Variants in RNLS observed in about 807,000 individuals in gnomAD.
RNLS encodes the protein renalase, FAD dependent amine oxidase.
A neutral mutation model predicts 39.8 loss-of-function variants in RNLS; 39 were observed. The observed-to-expected ratio is 0.98, with a 90% CI of 0.76 to 1.28. The LOEUF is 1.28. Among genes scored for constraint, RNLS ranks in the 50% most tolerant of loss-of-function variants. The pLI, the probability that RNLS is intolerant of heterozygous loss-of-function variation, is 0.00. For missense variants in RNLS, 410 were observed against 413.3 expected, an observed-to-expected ratio of 0.99 and a Z score of 0.07; for synonymous variants, 147 against 150.7, an observed-to-expected ratio of 0.98 and a Z score of 0.18.
the RNLS span, among the ~76,000 whole-genome samples, chr10:88,173,894 T>G: frequency 1.3e-5 from 2 of 152,170 alleles, no homozygotes; most frequent in African/African-American, 4.8e-5. Context: ...GGTACACCCA[T>G]CACTTAAGCA....
the RNLS span, among the ~76,000 whole-genome samples, chr10:88,260,924 GCAAAAGA>G: frequency 1.3e-5 from 2 of 152,166 alleles, no homozygotes; most frequent in African/African-American, 4.8e-5. Flanking sequence ...ATTGCTTTCA[GCAAAAGA>G]CAAATACTAT....
intron 4 of RNLS, among the ~76,000 whole-genome samples, chr10:88,470,353 G>A (rs1005532838): frequency 3.3e-5 from 5 of 152,072 alleles, no homozygotes; most frequent in African/African-American, 1.2e-4. Flanking sequence ...TAAAGACATG[G>A]AATCAACCTA....
intron 4 of RNLS, among the ~76,000 whole-genome samples, chr10:88,373,857 T>C (rs1159965430): frequency 6.6e-6 from 1 of 152,008 alleles, no homozygotes; most frequent in Non-Finnish European, 1.5e-5. Context: ...AATTTGATGA[T>C]GGAGGTTATT....
chr10:88,476,988 A>G (rs1279138253), intron 4 of RNLS, among the ~76,000 whole-genome samples: 4 of 150,732 alleles, frequency 2.7e-5, no homozygotes, highest in African/African-American at 9.7e-5. Flanking sequence ...TTGCCACAAA[A>G]AGTAAGAAAG....
At chr10:88,515,919 A>G (rs117306072) in intron 4 of RNLS, among the ~76,000 whole-genome samples, 2 of 152,160 alleles carry the variant, frequency 1.3e-5, no homozygotes, top group East Asian at 3.9e-4. Context: ...GATTAGGATA[A>G]AGTGAAGCCT....
At chr10:88,431,024 A>G (rs1470824561) in intron 4 of RNLS, among the ~76,000 whole-genome samples, 1 of 151,646 alleles carries the variant, frequency 6.6e-6, no homozygotes. Flanking sequence ...TAGTACTTCA[A>G]TTTTCTGGAA....
intron 5 of RNLS, among the ~76,000 whole-genome samples, chr10:88,328,620 C>A (rs792216): frequency 6.6e-6 from 1 of 151,888 alleles, no homozygotes; most frequent in African/African-American, 2.4e-5. Context: ...ATATTTTTAG[C>A]GAATACTGAT....
At chr10:88,327,247 G>C (rs1369845978) in intron 5 of RNLS, among the ~76,000 whole-genome samples, 2 of 152,162 alleles carry the variant, frequency 1.3e-5, no homozygotes, top group African/African-American at 2.4e-5. Flanking sequence ...GGAGGGGCCA[G>C]GGATGGAATG....
In RNLS at chr10:88,572,956, A is replaced by T; in HGVS notation, c.473T>A (p.Val158Asp). 1 of 1,614,042 alleles carries T rather than the reference A, an allele frequency of 6.2e-7. No homozygotes were observed. The change falls in exon 4 of 7, where the codon GTT (valine) becomes GAT (aspartate). Residue 158 changes from valine to aspartate, a missense_variant. Val to Asp is a radical substitution (Grantham distance 152). Transcript: ENST00000331772. The part of the protein sequence containing the change: ...TGSPEQFDLI[V>D]LTMPVPEILQ... The stretch of plus-strand genomic sequence containing the variant: ...AATCTCAGGAACTGGCATTGTGAGA[A>T]CAATAAGATCAAACTGCTCAGGGGA...
intron 4 of RNLS, among the ~76,000 whole-genome samples, chr10:88,543,685 T>A (rs985208417): frequency 6.6e-6 from 1 of 152,098 alleles, no homozygotes; most frequent in South Asian, 2.1e-4. Context: ...CAAAATAAAA[T>A]CAACCATAAT....
intron 4 of RNLS, among the ~76,000 whole-genome samples, chr10:88,509,479 G>A (rs1845980800): frequency 6.7e-6 from 1 of 148,718 alleles, no homozygotes; most frequent in African/African-American, 2.5e-5. Flanking sequence ...GGAGAGGAGA[G>A]GGGAGGAGAG....
intron 4 of RNLS, among the ~76,000 whole-genome samples, chr10:88,403,363 TG>T (rs1278327141): frequency 9.2e-5 from 14 of 152,244 alleles, no homozygotes; most frequent in African/African-American, 1.4e-4. Context: ...AATTTTGTGA[TG>T]GTGTACATGG....
Position 88,573,057 on chromosome 10 carries a change from T to C in RNLS, c.372A>G (p.Ala124=), listed in dbSNP as rs374839155. ...IIKHYLKESG[A]EVYFRHRVTQ... ...TCACACGATGTCTGAAGTAGACTTC[T>C]GCACCTGTTCCAAAAGCAAAATCAT... The change falls in exon 4 of 7, where the codon GCA becomes GCG. Residue 124 remains alanine, a synonymous_variant. Coordinates refer to ENST00000331772, the MANE Select transcript of RNLS (RefSeq NM_001031709.3). The C allele has an allele frequency of 1.7e-5, 28 of 1,613,308 alleles. No homozygotes were observed. The African/African-American group carries it at 2.9e-4, about 17-fold the overall frequency.
downstream of RNLS, among the ~76,000 whole-genome samples, chr10:88,272,877 G>A (rs1024371120): frequency 4.6e-5 from 7 of 152,154 alleles, no homozygotes; most frequent in African/African-American, 7.2e-5. Flanking sequence ...ACTTTGTCTC[G>A]CTGCTTTAGA....
intron 4 of RNLS, among the ~76,000 whole-genome samples, chr10:88,566,151 A>T (rs2134413021): frequency 6.6e-6 from 1 of 152,202 alleles, no homozygotes; most frequent in East Asian, 1.9e-4. Context: ...GCAATAGCCA[A>T]TGTTAATGTT....
At chr10:88,291,417 T>C (rs1041562757) in intron 6 of RNLS, among the ~76,000 whole-genome samples, 5 of 152,204 alleles carry the variant, frequency 3.3e-5, no homozygotes, top group African/African-American at 1.2e-4. Flanking sequence ...CAAGTCTGGT[T>C]GTCTTCCCAG....
the RNLS span, among the ~76,000 whole-genome samples, chr10:88,183,356 C>T: frequency 1.3e-5 from 2 of 152,120 alleles, no homozygotes; most frequent in Non-Finnish European, 2.9e-5. Flanking sequence ...TTCTTTTTCA[C>T]TTTCACACAA....
At chr10:88,323,124 A>G (rs1846307497) in intron 5 of RNLS, among the ~76,000 whole-genome samples, 1 of 152,212 alleles carries the variant, frequency 6.6e-6, no homozygotes, top group Non-Finnish European at 1.5e-5. Flanking sequence ...CTGATGAAAG[A>G]ACACATAGAT....
rs76523160 is a variant in RNLS at position 88,300,899 on chromosome 10, G to T, written c.876+13567C>A. On this transcript the variant is annotated intron_variant, in intron 6 of 6. Transcript: ENST00000331772. ...TAGACCAAGTAGATTTACTCTTTATGGGAAAGTGCTGAAATAGGGCCTATT... is the reference window on the plus strand; with the variant it reads ...TAGACCAAGTAGATTTACTCTTTATTGGAAAGTGCTGAAATAGGGCCTATT... 4.2e-3 allele frequency among the ~76,000 whole-genome samples: 638 copies of T among 152,226 alleles called. 5 individuals are homozygous for T. Among genetic ancestry groups the T allele is most frequent in the South Asian group, 0.029 (140 of 4,814 alleles).
Sources: gnomAD v4.1 joint callset for allele counts (sites outside exome capture counted in the v4.1 genomes callset) on GRCh38, gnomAD v4.1.1 for gene constraint, MANE v1.5 for transcripts, NCBI Gene and HGNC (gene_info 2026-07-23, HGNC 2026-07-21) for gene names.